DMD: variants seen among roughly 807,000 people sequenced by gnomAD.
DMD encodes the protein dystrophin, also known as mutant dystrophin.
DMD carries 63 observed loss-of-function variants against 330.1 expected under a neutral mutation model. That is an observed-to-expected ratio of 0.19 (90% CI 0.16 to 0.24). The LOEUF (loss-of-function observed/expected upper bound fraction) is 0.24. Ranked by LOEUF, DMD falls within the 10% of genes least tolerant of loss-of-function variation. The pLI is 1.00. For missense variants in DMD, 3,344 were observed against 2,684.1 expected (o/e 1.25, Z -5.43); for synonymous variants, 1,223 against 959.8 (o/e 1.27, Z -5.07).
intron 60 of DMD, among the ~76,000 whole-genome samples, chrX:31,366,841 CAA>C (rs2059291405): frequency 9.2e-6 from 1 of 108,618 alleles, no homozygotes; most frequent in Non-Finnish European, 1.9e-5. Context: ...TTCTTCTATT[CAA>C]AGACATTTTC....
chrX:31,269,217 T>G (rs1337093473), intron 62 of DMD, among the ~76,000 whole-genome samples: 1 of 111,837 alleles, frequency 8.9e-6, no homozygotes, highest in Non-Finnish European at 1.9e-5. Context: ...TTTTGCTTAT[T>G]AGAGGAAAGC....
intron 1 of DMD, among the ~76,000 whole-genome samples, chrX:33,270,146 T>C (rs191795023): frequency 1.7e-4 from 19 of 110,829 alleles, no homozygotes; most frequent in Non-Finnish European, 2.5e-4. Context: ...CTTCACCTTC[T>C]GGTCCTTATT....
intron 1 of DMD, among the ~76,000 whole-genome samples, chrX:33,188,442 C>A (rs2050369104): frequency 9.1e-6 from 1 of 110,263 alleles, no homozygotes; most frequent in African/African-American, 3.3e-5. Flanking sequence ...ATTGTACTTC[C>A]CACAAAGGAT....
intron 44 of DMD, among the ~76,000 whole-genome samples, chrX:32,101,532 A>G (rs746811737): frequency 1.8e-5 from 2 of 111,951 alleles, no homozygotes; most frequent in South Asian, 7.5e-4. Flanking sequence ...TTTCACATAA[A>G]CTATGAATCC....
intron 2 of DMD, among the ~76,000 whole-genome samples, chrX:32,912,312 A>G (rs1341344316): frequency 9.0e-6 from 1 of 110,802 alleles, no homozygotes; most frequent in Admixed American, 9.6e-5. Context: ...CCATCAGCCA[A>G]AGAGAGCTGG....
chrX:33,004,445 C>G (rs1015165661), intron 2 of DMD, among the ~76,000 whole-genome samples: 1 of 111,273 alleles, frequency 9.0e-6, no homozygotes, highest in Middle Eastern at 4.6e-3. Context: ...TACTACCAGA[C>G]CTTCCCAGCT....
intron 67 of DMD, among the ~76,000 whole-genome samples, chrX:31,186,657 T>A (rs1455233910): frequency 1.8e-5 from 2 of 112,501 alleles, no homozygotes; most frequent in African/African-American, 3.2e-5. Flanking sequence ...ACAAGTTAAA[T>A]TTTAAAAAGC....
At chrX:33,280,081 C>T (rs1305877702) in intron 1 of DMD, among the ~76,000 whole-genome samples, 2 of 107,494 alleles carry the variant, frequency 1.9e-5, no homozygotes, top group Non-Finnish European at 3.8e-5. Context: ...CTCCTGGGCT[C>T]AAGCGATTCT....
rs1020139085 is a variant in DMD, at chrX:32,212,865, C to A, written c.6438+4051G>T. 8.1e-5 allele frequency among the ~76,000 whole-genome samples: 9 copies of A among 111,177 alleles called. No homozygotes were observed. In the East Asian group the frequency reaches 2.5e-3, roughly 31 times the overall value. Reference sequence around the variant, plus strand: ...GGAATATCTTCAAAAAGCACTAATTCATGTACTTAATTTTGTCTTTTACTT... The same window carrying A: ...GGAATATCTTCAAAAAGCACTAATTAATGTACTTAATTTTGTCTTTTACTT... On this transcript the variant is annotated intron_variant, in intron 44 of 78. Coordinates refer to ENST00000357033, the MANE Select transcript of DMD (RefSeq NM_004006.3).
At chrX:32,129,727 G>GA (rs1491170019) in intron 44 of DMD, among the ~76,000 whole-genome samples, 786 of 14,662 alleles carry the variant, frequency 0.054, 7 homozygotes, top group East Asian at 0.29. Context: ...GAGAGAGGGA[G>GA]GGAGAGAGAG....
chrX:32,542,693 T>C (rs1439430178), intron 17 of DMD, among the ~76,000 whole-genome samples: 1 of 112,475 alleles, frequency 8.9e-6, no homozygotes, highest in Non-Finnish European at 1.9e-5. Context: ...TATATTTGCA[T>C]GATGCCTCTT....
intron 44 of DMD, among the ~76,000 whole-genome samples, chrX:32,131,000 T>C (rs1435749987): frequency 7.2e-5 from 8 of 111,217 alleles, no homozygotes; most frequent in Admixed American, 6.7e-4. Flanking sequence ...GCCTGGCCAA[T>C]ATGGTGAAAC....
chrX:32,543,310 C>CA (rs1160059656), intron 17 of DMD, among the ~76,000 whole-genome samples: 1 of 108,911 alleles, frequency 9.2e-6, no homozygotes, highest in Non-Finnish European at 1.9e-5. Flanking sequence ...TTCCTGAAAA[C>CA]AAAAAGAAGT....
intron 47 of DMD, among the ~76,000 whole-genome samples, chrX:31,898,350 A>G (rs1334461298): frequency 6.4e-5 from 7 of 109,862 alleles, no homozygotes; most frequent in Non-Finnish European, 9.5e-5. Flanking sequence ...GAGGCATCAC[A>G]CTACCTGACT....
At chrX:33,309,583 T>G (rs2053817798) in intron 1 of DMD, among the ~76,000 whole-genome samples, 2 of 111,235 alleles carry the variant, frequency 1.8e-5, no homozygotes. Flanking sequence ...TTATTTTTAC[T>G]GCAAAGAGAT....
chrX:31,212,761 A>G (rs1212647417), intron 64 of DMD, among the ~76,000 whole-genome samples: 2 of 111,327 alleles, frequency 1.8e-5, no homozygotes, highest in African/African-American at 6.6e-5. Context: ...AGGTTTTCTG[A>G]TTTCTCATGG....
intron 21 of DMD, among the ~76,000 whole-genome samples, chrX:32,479,547 G>T (rs981199981): frequency 3.7e-5 from 4 of 108,808 alleles, no homozygotes; most frequent in African/African-American, 6.7e-5. Flanking sequence ...GTCTTTCTTT[G>T]CCTGGCTCAT....
chrX:31,525,333 T>C (rs2073161723), intron 55 of DMD, among the ~76,000 whole-genome samples: 1 of 112,040 alleles, frequency 8.9e-6, no homozygotes, highest in Non-Finnish European at 1.9e-5. Context: ...AGACTCAATA[T>C]GCCATGTAAT....
At position 31,662,012 on chromosome X, in the gene DMD, T is replaced by A. The variant is rs139854053; in HGVS notation, c.7873-3868A>T. 2.4e-3 allele frequency among the ~76,000 whole-genome samples: 268 copies of A among 111,785 alleles called. 3 individuals carry two copies. In the East Asian group the frequency reaches 0.073, roughly 30 times the overall value. ...GTGTAAGAACTTATTTTAGTGATAT[T>A]GACCCTACATGGTAGAAAAGAGAGG... On this transcript the variant is annotated intron_variant, in intron 53 of 78. Coordinates refer to ENST00000357033, the MANE Select transcript of DMD (RefSeq NM_004006.3).
Sources: gnomAD v4.1 joint callset for allele counts (sites outside exome capture counted in the v4.1 genomes callset) on GRCh38, gnomAD v4.1.1 for gene constraint, MANE v1.5 for transcripts, NCBI Gene and HGNC (gene_info 2026-07-23, HGNC 2026-07-21) for gene names.